Variants in HPSE2 observed in about 807,000 individuals in gnomAD.
The protein encoded by HPSE2 is heparanase 2 (inactive), also known as inactive heparanase-2.
Under a neutral mutation model 60.5 loss-of-function variants are expected in HPSE2, and 38 were observed. The observed-to-expected ratio is 0.63, with a 90% CI of 0.48 to 0.82. The LOEUF is 0.82. Ranked by LOEUF, HPSE2 falls within the 40% of genes least tolerant of loss-of-function variation. The probability of loss-of-function intolerance (pLI) is 0.00; values close to 1 mark genes in which losing one functional copy is unlikely to be tolerated. For synonymous variants in HPSE2, 295 were observed against 293.2 expected (o/e 1.01, Z -0.06); for missense variants, 713 against 740.4 (o/e 0.96, Z 0.43).
chr10:98,644,635 T>C (rs1012112262), intron 6 of HPSE2, among the ~76,000 whole-genome samples: 3 of 152,222 alleles, frequency 2.0e-5, no homozygotes, highest in Non-Finnish European at 4.4e-5. Context: ...TTCACTGTCA[T>C]ACACTACTAG....
chr10:98,795,335 C>G (rs1047105202), intron 3 of HPSE2, among the ~76,000 whole-genome samples: 3 of 152,174 alleles, frequency 2.0e-5, no homozygotes, highest in Admixed American at 1.3e-4. Context: ...CTGGCAGCAG[C>G]CTTACGGCAC....
intron 5 of HPSE2, among the ~76,000 whole-genome samples, chr10:98,708,332 C>G (rs879638224): frequency 2.6e-5 from 4 of 151,416 alleles, no homozygotes; most frequent in Non-Finnish European, 5.9e-5. Context: ...GGTGGGCACC[C>G]GTAGTCCCAG....
chr10:98,659,544 T>A lies in HPSE2; in HGVS notation c.1005-17604A>T, dbSNP rs549436774. 1.2e-3 allele frequency among the ~76,000 whole-genome samples: 183 copies of A among 152,356 alleles called. 1 individual carries two copies. The highest frequency in any genetic ancestry group is 2.2e-3 in the Non-Finnish European group (153 of 68,024). ...AATAACATTCGATGGTATTGATATATTTTATTTATTCATTCATCTGTTGAT... is the reference window on the plus strand; with the variant it reads ...AATAACATTCGATGGTATTGATATAATTTATTTATTCATTCATCTGTTGAT... On this transcript the variant is annotated intron_variant, in intron 6 of 11. Coordinates refer to ENST00000370552, the MANE Select transcript of HPSE2 (RefSeq NM_021828.5).
chr10:99,027,640 C>A (rs1035663036), intron 3 of HPSE2, among the ~76,000 whole-genome samples: 5 of 151,570 alleles, frequency 3.3e-5, no homozygotes, highest in African/African-American at 1.2e-4. Flanking sequence ...ATAACAAAAT[C>A]AGACAAAGAC....
chr10:98,843,144 A>C (rs1160317312), intron 3 of HPSE2, among the ~76,000 whole-genome samples: 1 of 150,782 alleles, frequency 6.6e-6, no homozygotes, highest in Admixed American at 6.7e-5. Context: ...CCGGGTATTA[A>C]GCCTACTACC....
chr10:98,920,637 C>A (rs1461029729), intron 3 of HPSE2, among the ~76,000 whole-genome samples: 1 of 152,158 alleles, frequency 6.6e-6, no homozygotes, highest in Non-Finnish European at 1.5e-5. Flanking sequence ...ACCCACCTCC[C>A]TTGGGCCATA....
intron 3 of HPSE2, among the ~76,000 whole-genome samples, chr10:98,873,806 G>T (rs1952798219): frequency 1.3e-5 from 2 of 152,008 alleles, no homozygotes; most frequent in South Asian, 4.2e-4. Flanking sequence ...TTCCTCAATG[G>T]TTGAGCTAAT....
chr10:98,525,742 T>TG (rs1476645355), intron 9 of HPSE2, among the ~76,000 whole-genome samples: 2 of 152,152 alleles, frequency 1.3e-5, no homozygotes, highest in Non-Finnish European at 2.9e-5. Context: ...TGGGATGGGT[T>TG]GGGGGGCATG....
intron 9 of HPSE2, among the ~76,000 whole-genome samples, chr10:98,506,531 C>T (rs578119832): frequency 2.0e-5 from 3 of 152,212 alleles, no homozygotes; most frequent in South Asian, 2.1e-4. Flanking sequence ...ATCGCAGCCT[C>T]GACCTCCTGG....
At chr10:99,256,349 T>C in the HPSE2 span, among the ~76,000 whole-genome samples, 2 of 147,654 alleles carry the variant, frequency 1.4e-5, no homozygotes, top group South Asian at 4.5e-4. Flanking sequence ...TGCCCTCTCT[T>C]TGCCCTTCTG....
At chr10:98,605,108 C>T (rs530168493) in intron 9 of HPSE2, among the ~76,000 whole-genome samples, 1 of 152,296 alleles carries the variant, frequency 6.6e-6, no homozygotes, top group East Asian at 1.9e-4. Context: ...CCCTTTAGCT[C>T]CTCCCTTCCA....
intron 2 of HPSE2, among the ~76,000 whole-genome samples, chr10:99,213,123 T>C (rs1370053627): frequency 1.3e-5 from 2 of 152,052 alleles, no homozygotes; most frequent in African/African-American, 2.4e-5. Flanking sequence ...AAAAGCTTCA[T>C]TATACTCGAA....
At chr10:98,555,553 T>G (rs1943982722) in intron 9 of HPSE2, among the ~76,000 whole-genome samples, 1 of 152,226 alleles carries the variant, frequency 6.6e-6, no homozygotes, top group Non-Finnish European at 1.5e-5. Context: ...TGTCTTGCAG[T>G]TACAGTAAAG....
chr10:98,642,176 G>A lies in HPSE2; in HGVS notation c.1005-236C>T, dbSNP rs523884. On this transcript the variant is annotated intron_variant, in intron 6 of 11. Coordinates refer to ENST00000370552, the MANE Select transcript of HPSE2 (RefSeq NM_021828.5). ...TGTTATTTTTTTCAGCTTTTGTCAC[G>A]TGAAACCCCATTGCTTACTTGCTGG... Among the ~76,000 whole-genome samples the A allele has an allele frequency of 0.31, 46,324 of 151,868 alleles. 8,035 individuals carry two copies. Among genetic ancestry groups the A allele is most frequent in the East Asian group, 0.52 (2,673 of 5,166 alleles).
chr10:98,617,389 T>C (rs926976595), intron 8 of HPSE2, among the ~76,000 whole-genome samples: 1 of 152,218 alleles, frequency 6.6e-6, no homozygotes, highest in Non-Finnish European at 1.5e-5. Flanking sequence ...GAGCTTAGCT[T>C]AGTGACCTGC....
At chr10:98,843,816 A>C (rs1266950345) in intron 3 of HPSE2, among the ~76,000 whole-genome samples, 6 of 152,222 alleles carry the variant, frequency 3.9e-5, no homozygotes, top group African/African-American at 7.2e-5. Context: ...AAGCTTCCAA[A>C]TGATGGGCTT....
chr10:99,213,057 G>A (rs1203078216), intron 2 of HPSE2, among the ~76,000 whole-genome samples: 1 of 152,114 alleles, frequency 6.6e-6, no homozygotes, highest in African/African-American at 2.4e-5. Flanking sequence ...CAAAGGTAGA[G>A]TGAGAAATAC....
At chr10:98,952,497 T>G (rs973252927) in intron 3 of HPSE2, among the ~76,000 whole-genome samples, 2 of 152,134 alleles carry the variant, frequency 1.3e-5, no homozygotes, top group African/African-American at 2.4e-5. Context: ...CACAACTCAA[T>G]GTGAATTACT....
chr10:99,142,666 T>C (rs1184395287), intron 3 of HPSE2, among the ~76,000 whole-genome samples: 1 of 152,220 alleles, frequency 6.6e-6, no homozygotes, highest in Non-Finnish European at 1.5e-5. Flanking sequence ...AAGTTGACAA[T>C]GTTGATTCCA....
Sources: gnomAD v4.1 joint callset for allele counts (sites outside exome capture counted in the v4.1 genomes callset) on GRCh38, gnomAD v4.1.1 for gene constraint, MANE v1.5 for transcripts, NCBI Gene and HGNC (gene_info 2026-07-23, HGNC 2026-07-21) for gene names.